The following GYS1 variants were observed in gnomAD, a reference collection of about 807,000 sequenced individuals.
The protein encoded by GYS1 is glycogen synthase 1.
In GYS1, 60 loss-of-function variants were observed where a neutral mutation model predicts 89.1. The ratio of observed to expected loss-of-function variants is 0.67; its 90% CI spans 0.55 to 0.84. The LOEUF (loss-of-function observed/expected upper bound fraction) is 0.84. Ranked by LOEUF, GYS1 falls within the 40% of genes least tolerant of loss-of-function variation. The pLI is 0.00. For synonymous variants in GYS1, 366 were observed against 401.7 expected (o/e 0.91, Z 1.06); for missense variants, 888 against 1,003.1 (o/e 0.89, Z 1.55).
rs781344136 is a variant in GYS1, at chr19:48,968,806, A to AG, written c.*481dup. ...CTCTCAGTTACCTTCAAACTCTGAA[A>AG]GTGCCCCGGCTCTGGACTTGATCGC... On this transcript the variant is annotated 3_prime_UTR_variant, in exon 16 of 16. Coordinates refer to ENST00000323798, the MANE Select transcript of GYS1 (RefSeq NM_002103.5). The AG allele has an allele frequency of 8.8e-6, 4 of 455,454 alleles. No individual in the cohort carries two copies. The highest frequency in any genetic ancestry group is 1.8e-5 in the Non-Finnish European group (4 of 227,906). The allele number at this position is 455,454 out of a possible 1,614,324, so 28.2% of individuals were successfully genotyped here. A position where few individuals can be genotyped will look rare whatever the true frequency, so the allele number is the denominator to read the frequency against.
At chr19:48,971,513 T>C (rs2038565590) in intron 12 of GYS1, among the ~76,000 whole-genome samples, 1 of 151,932 alleles carries the variant, frequency 6.6e-6, no homozygotes, top group Non-Finnish European at 1.5e-5. Flanking sequence ...CCTTGAGAAA[T>C]AGTTCAAGGA....
Position 48,969,437 on chromosome 19 carries a change from G to C in GYS1, c.2065C>G (p.Arg689Gly). 6.5e-7 allele frequency: 1 copy of C among 1,545,668 alleles called. No individual in the cohort carries two copies. Among genetic ancestry groups the C allele is most frequent in the Non-Finnish European group, 8.7e-7 (1 of 1,147,688 alleles). The change falls in exon 16 of 16, where the codon CGT becomes GGT. Residue 689 changes from arginine (R) to glycine (G), a missense_variant. Arg to Gly is a moderately radical substitution (Grantham distance 125). Coordinates refer to ENST00000323798, the MANE Select transcript of GYS1 (RefSeq NM_002103.5). The part of the protein sequence containing the change: ...EEAAKDRRNI[R>G]APEWPRRASC... The stretch of plus-strand genomic sequence containing the variant: ...GCTCGGCGCGGCCACTCTGGTGCAC[G>C]GATGTTGCGCCGGTCCTTGGCGGCC...
chr19:48,976,969 G>C (rs1018499765), intron 10 of GYS1, among the ~76,000 whole-genome samples: 9 of 151,724 alleles, frequency 5.9e-5, no homozygotes, highest in Non-Finnish European at 1.5e-5. Flanking sequence ...TTGTATTTTT[G>C]GTAGAGACAG....
rs1555800114 is a variant in GYS1 at position 48,989,999 on chromosome 19, G to GGT, written c.300+1302_300+1303insAC. Among the ~76,000 whole-genome samples, 14 of 20,854 alleles carry GGT rather than the reference G, an allele frequency of 6.7e-4. 1 individual carries two copies. Among genetic ancestry groups the GGT allele is most frequent in the East Asian group, 3.7e-3 (1 of 270 alleles). The allele number at this position is 20,854 out of a possible 152,430, so 13.7% of individuals were successfully genotyped here. A position where few individuals can be genotyped will look rare whatever the true frequency, so the allele number is the denominator to read the frequency against. The stretch of plus-strand genomic sequence containing the variant: ...CCCAGCTGTTGTCTGCCCTTTTGCT[G>GGT]GGGGGGGGGGGGGGCTATTCTTAGG... On this transcript the variant is annotated intron_variant, in intron 2 of 15. Transcript: ENST00000323798.
rs1019502868 is a variant in GYS1, at chr19:48,991,603, G to A, written c.119-120C>T. ...CCCCAGACCTCTAGCTCAGGGGGAA[G>A]AGGGGACTGGGAGCCCATAGTTTGG... On this transcript the variant is annotated intron_variant, in intron 1 of 15. Transcript: ENST00000323798. This position sits in a 1 kb window ranked among gnomAD's most constrained non-coding sequence, Gnocchi z 4.7. The A allele has an allele frequency of 8.4e-6, 9 of 1,067,676 alleles. 1 individual carries two copies. The South Asian group carries it at 1.1e-4, about 13-fold the overall frequency. The allele number at this position is 1,067,676 out of a possible 1,614,324, so 66.1% of individuals were successfully genotyped here. A position where few individuals can be genotyped will look rare whatever the true frequency, so the allele number is the denominator to read the frequency against.
chr19:48,969,525 G>A lies in GYS1; in HGVS notation c.1977C>T (p.Asp659=). 6.5e-7 allele frequency: 1 copy of A among 1,543,108 alleles called. No homozygotes were observed. The highest frequency in any genetic ancestry group is 2.0e-5 in the Admixed American group (1 of 51,006). ...SRHSSPHQSE[D]EEDPRNGPLE... The stretch of plus-strand genomic sequence containing the variant: ...GCGGCCCGTTCCGGGGATCCTCCTC[G>A]TCCTCACTCTGGTGCGGGCTGGAGT... Residue 659 remains aspartate, a synonymous_variant, in exon 16 of 16, where the codon GAC becomes GAT. Coordinates refer to ENST00000323798, the MANE Select transcript of GYS1 (RefSeq NM_002103.5).
chr19:48,980,704 G>A (rs2038746488), intron 8 of GYS1, among the ~76,000 whole-genome samples: 1 of 152,002 alleles, frequency 6.6e-6, no homozygotes, highest in Non-Finnish European at 1.5e-5. Context: ...ACTAAGCCAG[G>A]CGCAGTGGCT....
chr19:48,968,602 T>C lies in GYS1; in HGVS notation c.*686A>G, dbSNP rs1295285527. On this transcript the variant is annotated 3_prime_UTR_variant, in exon 16 of 16. Transcript: ENST00000323798. ...AAGGCATCTGGACTGAGACTGTGTG[T>C]CCTCCAGAAGGAATGAGCAGCCAAG... is the stretch of plus-strand genomic sequence containing the variant. 2 of 454,358 alleles carry C rather than the reference T, an allele frequency of 4.4e-6. No individual in the cohort carries two copies. Among genetic ancestry groups the C allele is most frequent in the Non-Finnish European group, 8.8e-6 (2 of 226,776 alleles). The allele number at this position is 454,358 out of a possible 1,614,324, so 28.1% of individuals were successfully genotyped here.
At chr19:48,970,907 C>T (rs368201475) in intron 13 of GYS1, 21 bp downstream of exon 13, 11 of 1,588,928 alleles carry the variant, frequency 6.9e-6, no homozygotes, top group African/African-American at 1.3e-5. Context: ...TTCCAGAATC[C>T]TCAGGGGCCT....
intron 12 of GYS1, 86 bp from the exon 13 acceptor site, chr19:48,971,109 A>C (rs1356495513): frequency 6.6e-6 from 6 of 905,206 alleles, no homozygotes; most frequent in Admixed American, 1.8e-5. Flanking sequence ...ACCGCCCTCT[A>C]CTGGCGCCTG....
At chr19:48,978,032 G>GT in intron 9 of GYS1, 30 bp from the exon 10 acceptor site, 1 of 1,610,200 alleles carries the variant, frequency 6.2e-7, no homozygotes, top group Non-Finnish European at 8.5e-7. Flanking sequence ...ATGCATGTGA[G>GT]AACGGAGTAA....
In GYS1 at chr19:48,991,620, A is replaced by G. The variant is rs993955791; in HGVS notation, c.119-137T>C. 1 of 923,340 alleles carries G rather than the reference A, an allele frequency of 1.1e-6. No individual in the cohort carries two copies. 57.2% of individuals were successfully genotyped at this position (923,340 alleles called of 1,614,324 possible). On this transcript the variant is annotated intron_variant, in intron 1 of 15. Transcript: ENST00000323798. This position sits in a 1 kb window ranked among gnomAD's most constrained non-coding sequence, Gnocchi z 4.7. ...AGGGGGAAGAGGGGACTGGGAGCCCATAGTTTGGAGTAGGGGTTGGAAGCT... is the reference window on the plus strand; with the variant it reads ...AGGGGGAAGAGGGGACTGGGAGCCCGTAGTTTGGAGTAGGGGTTGGAAGCT...
In GYS1 at chr19:48,982,345, T is replaced by G; in HGVS notation, c.972A>C (p.Leu324Phe). 6.2e-7 allele frequency: 1 copy of G among 1,613,826 alleles called. No homozygotes were observed. The highest frequency in any genetic ancestry group is 8.5e-7 in the Non-Finnish European group (1 of 1,179,904). Residue 324 changes from leucine (L) to phenylalanine (F), a missense_variant, in exon 7 of 16, where the codon TTA becomes TTC. Coordinates refer to ENST00000323798, the MANE Select transcript of GYS1 (RefSeq NM_002103.5). The part of the protein sequence containing the change: ...GHLDFNLDKT[L>F]YFFIAGRYEF... Reference sequence around the variant, plus strand: ...CATAGCGGCCGGCGATAAAGAAGTATAAGGTCTTGTCCAAGTTGAAGTCCA... The same window carrying G: ...CATAGCGGCCGGCGATAAAGAAGTAGAAGGTCTTGTCCAAGTTGAAGTCCA...
chr19:48,968,969 CCAGGTTTCCTAAAACCTCTGGCACCACCG>C lies in GYS1; in HGVS notation c.*290_*318del. On this transcript the variant is annotated 3_prime_UTR_variant, in exon 16 of 16. Transcript: ENST00000323798. ...AAGCCCCAGACCTGAAAGCACCATGCCAGGTTTCCTAAAACCTCTGGCACCACCGCAGAGTAATGGCAGATTCCTGGCCT... is the reference window on the plus strand; with the variant it reads ...AAGCCCCAGACCTGAAAGCACCATGCCAGAGTAATGGCAGATTCCTGGCCT... The C allele has an allele frequency of 1.7e-6, 1 of 578,224 alleles. No individual in the cohort carries two copies. Among genetic ancestry groups the C allele is most frequent in the Non-Finnish European group, 3.3e-6 (1 of 306,752 alleles). The allele number at this position is 578,224 out of a possible 1,614,324, so 35.8% of individuals were successfully genotyped here. A position where few individuals can be genotyped will look rare whatever the true frequency, so the allele number is the denominator to read the frequency against.
chr19:48,990,801 G>A lies in GYS1; in HGVS notation c.300+501C>T, dbSNP rs534273266. The stretch of plus-strand genomic sequence containing the variant: ...CTCCCCAGCTCTGCCTGGCTGGCTG[G>A]CATTCTTTTCTGAGACAGAGTCTCG... On this transcript the variant is annotated intron_variant, in intron 2 of 15. Coordinates refer to ENST00000323798, the MANE Select transcript of GYS1 (RefSeq NM_002103.5). 2.0e-5 allele frequency among the ~76,000 whole-genome samples: 3 copies of A among 152,238 alleles called. No homozygotes were observed. The South Asian group carries it at 6.2e-4, about 32-fold the overall frequency.
At position 48,993,107 on chromosome 19, in the gene GYS1, A is replaced by G. The variant is rs2038966717; in HGVS notation, c.6T>C (p.Pro2=). The G allele has an allele frequency of 1.0e-5, 16 of 1,590,512 alleles. No homozygotes were observed. Among genetic ancestry groups the G allele is most frequent in the Non-Finnish European group, 1.4e-5 (16 of 1,158,706 alleles). M[P]LNRTLSMSSL... The stretch of plus-strand genomic sequence containing the variant: ...AGGACATGGACAAAGTGCGGTTTAA[A>G]GGCATGGCTGGCGCAGGAAGGGGGG... Residue 2 remains proline (P), a synonymous_variant, in exon 1 of 16, where the codon CCT becomes CCC. Coordinates refer to ENST00000323798, the MANE Select transcript of GYS1 (RefSeq NM_002103.5).
intron 2 of GYS1, among the ~76,000 whole-genome samples, chr19:48,990,009 G>GA (rs1413089962): frequency 2.0e-5 from 3 of 150,166 alleles, no homozygotes; most frequent in African/African-American, 7.4e-5. Context: ...GGGGGGGGGG[G>GA]GGGGCTATTC....
At chr19:48,979,673 G>A (rs1230066171) in intron 8 of GYS1, among the ~76,000 whole-genome samples, 4 of 118,046 alleles carry the variant, frequency 3.4e-5, no homozygotes, top group Admixed American at 1.1e-4. Context: ...TTTTGAGACC[G>A]AGTCTCACTG....
chr19:48,972,444 G>C (rs796208282), intron 12 of GYS1, among the ~76,000 whole-genome samples: 2 of 151,890 alleles, frequency 1.3e-5, no homozygotes, highest in African/African-American at 4.8e-5. Flanking sequence ...AAGATGCTAG[G>C]ATTATAGGTG....
Sources: gnomAD v4.1 joint callset for allele counts (sites outside exome capture counted in the v4.1 genomes callset) on GRCh38, gnomAD v4.1.1 for gene constraint, Gnocchi (gnomAD v3.1) non-coding constraint, MANE v1.5 for transcripts, NCBI Gene and HGNC (gene_info 2026-07-23, HGNC 2026-07-21) for gene names.